The following PTPN11 variants were observed in gnomAD, a reference collection of about 807,000 sequenced individuals.
The protein encoded by PTPN11 is protein tyrosine phosphatase non-receptor type 11, also known as tyrosine-protein phosphatase non-receptor type 11.
PTPN11 carries 6 observed loss-of-function variants against 78.8 expected under a neutral mutation model. That is an observed-to-expected ratio of 0.08 (90% confidence interval 0.04 to 0.15). The LOEUF (loss-of-function observed/expected upper bound fraction) is 0.15, where lower values mean the gene tolerates loss of function less well. Ranked by LOEUF, PTPN11 falls within the 10% of genes least tolerant of loss-of-function variation. The pLI, the probability that PTPN11 is intolerant of heterozygous loss-of-function variation, is 1.00. For synonymous variants in PTPN11, 221 were observed against 263.5 expected (o/e 0.84, Z 1.56); for missense variants, 386 against 744.8 (o/e 0.52, Z 5.61).
chr12:112,454,005 A>C (rs2038116767), intron 4 of PTPN11, among the ~76,000 whole-genome samples: 1 of 151,946 alleles, frequency 6.6e-6, no homozygotes, highest in South Asian at 2.1e-4. Context: ...TATTATACTT[A>C]ATATATTAGT....
chr12:112,449,490 G>T (rs2038047212), intron 2 of PTPN11, among the ~76,000 whole-genome samples: 1 of 150,934 alleles, frequency 6.6e-6, no homozygotes, highest in African/African-American at 2.5e-5. Context: ...CTGGGTGATG[G>T]AGTGAGACTC....
chr12:112,473,189 C>A, intron 7 of PTPN11, 149 bp downstream of exon 7: 1 of 703,794 alleles, frequency 1.4e-6, no homozygotes, highest in Non-Finnish European at 2.5e-6. Flanking sequence ...AATAATCAAC[C>A]ATGGTGGGTG....
intron 1 of PTPN11, among the ~76,000 whole-genome samples, chr12:112,431,332 C>CT (rs1198907805): frequency 6.6e-6 from 1 of 152,138 alleles, no homozygotes; most frequent in African/African-American, 2.4e-5. Flanking sequence ...GGAGTTGGAG[C>CT]TGCAGTGAGC....
chr12:112,437,955 T>A (rs953921934), intron 1 of PTPN11, among the ~76,000 whole-genome samples: 1 of 152,204 alleles, frequency 6.6e-6, no homozygotes, highest in African/African-American at 2.4e-5. Context: ...CCTGAAAAAT[T>A]ACACGTTTGT....
At chr12:112,468,663 C>T (rs1228467784) in intron 6 of PTPN11, among the ~76,000 whole-genome samples, 1 of 152,184 alleles carries the variant, frequency 6.6e-6, no homozygotes, top group Non-Finnish European at 1.5e-5. Flanking sequence ...GCAGGGGTGC[C>T]TCTCCTGTCC....
chr12:112,488,894 T>G, intron 12 of PTPN11, 130 bp from the exon 13 acceptor site: 1 of 1,317,684 alleles, frequency 7.6e-7, no homozygotes, highest in East Asian at 2.4e-5. Context: ...CTGTAGCCAT[T>G]GCAACATGCT....
At chr12:112,479,169 G>T (rs776146218) in intron 9 of PTPN11, among the ~76,000 whole-genome samples, 7 of 152,016 alleles carry the variant, frequency 4.6e-5, no homozygotes, top group Non-Finnish European at 8.8e-5. Context: ...AAAATAAATT[G>T]TAACACCCCA....
chr12:112,421,856 G>A (rs1341310789), intron 1 of PTPN11, among the ~76,000 whole-genome samples: 5 of 152,102 alleles, frequency 3.3e-5, no homozygotes, highest in Non-Finnish European at 7.3e-5. Flanking sequence ...TCAAACTCCC[G>A]GGCTCAAGCG....
chr12:112,492,447 A>C (rs1328424494), intron 13 of PTPN11, among the ~76,000 whole-genome samples: 1 of 151,578 alleles, frequency 6.6e-6, no homozygotes, highest in Non-Finnish European at 1.5e-5. Context: ...CCATAAAGTT[A>C]TTATTTTTCC....
intron 3 of PTPN11, among the ~76,000 whole-genome samples, chr12:112,451,186 T>TC (rs762850498): frequency 1.1e-4 from 16 of 152,222 alleles, no homozygotes; most frequent in Admixed American, 7.9e-4. Flanking sequence ...ATATTTTGTG[T>TC]CTTCAGGTAT....
chr12:112,478,814 G>C (rs2038550826), intron 9 of PTPN11, among the ~76,000 whole-genome samples: 2 of 152,112 alleles, frequency 1.3e-5, no homozygotes, highest in Admixed American at 1.3e-4. Context: ...GCTCACTGCA[G>C]CCTCTGCCTC....
chr12:112,437,068 CT>C (rs1373559308), intron 1 of PTPN11, among the ~76,000 whole-genome samples: 1 of 152,208 alleles, frequency 6.6e-6, no homozygotes. Context: ...CATAGAAAGC[CT>C]TTCCTTATTC....
intron 2 of PTPN11, among the ~76,000 whole-genome samples, chr12:112,449,472 A>T (rs2135860329): frequency 6.6e-6 from 1 of 152,024 alleles, no homozygotes; most frequent in Admixed American, 6.5e-5. Context: ...GCACCACTGC[A>T]CTCCAGCCTG....
intron 6 of PTPN11, among the ~76,000 whole-genome samples, chr12:112,462,199 G>C (rs1017604355): frequency 1.3e-5 from 2 of 152,192 alleles, no homozygotes; most frequent in Middle Eastern, 3.4e-3. Context: ...CTCTACAAAA[G>C]AAAATTAAAA....
At chr12:112,460,011 A>G (rs1048451785) in intron 6 of PTPN11, among the ~76,000 whole-genome samples, 3 of 151,430 alleles carry the variant, frequency 2.0e-5, no homozygotes, top group Admixed American at 6.6e-5. Flanking sequence ...GCAATGGTGC[A>G]TTCTCAGCTC....
chr12:112,430,448 A>G (rs2037694740), intron 1 of PTPN11, among the ~76,000 whole-genome samples: 1 of 152,006 alleles, frequency 6.6e-6, no homozygotes, highest in African/African-American at 2.4e-5. Context: ...TTTTATCTTG[A>G]GACAGAGTCT....
intron 2 of PTPN11, 46 bp downstream of exon 2, chr12:112,446,444 A>G (rs772597897): frequency 1.2e-6 from 2 of 1,613,292 alleles, no homozygotes; most frequent in East Asian, 4.5e-5. Context: ...TTTTCTAGGT[A>G]GGAAGTGGTA....
intron 10 of PTPN11, among the ~76,000 whole-genome samples, chr12:112,484,189 G>C (rs1323728984): frequency 6.6e-6 from 1 of 152,162 alleles, no homozygotes; most frequent in African/African-American, 2.4e-5. Context: ...AGAAGAGATA[G>C]AATATATGAA....
chr12:112,509,698 A>G lies in PTPN11; in HGVS notation c.*3906A>G, dbSNP rs1243636252. The stretch of plus-strand genomic sequence containing the variant: ...CTTAATTGCCTTTTTGCCCACGTAT[A>G]TTATGTAGTCTATTTGCAACTGTTC... On this transcript the variant is annotated 3_prime_UTR_variant, in exon 16 of 16. Coordinates refer to ENST00000351677, the MANE Select transcript of PTPN11 (RefSeq NM_002834.5). The G allele has an allele frequency of 6.6e-6, 1 of 152,610 alleles. No individual in the cohort carries two copies. The highest frequency in any genetic ancestry group is 2.4e-5 in the African/African-American group (1 of 41,440). The allele number at this position is 152,610 out of a possible 1,614,324, so 9.5% of individuals were successfully genotyped here. A position where few individuals can be genotyped will look rare whatever the true frequency, so the allele number is the denominator to read the frequency against.
Sources: gnomAD v4.1 joint callset for allele counts (sites outside exome capture counted in the v4.1 genomes callset) on GRCh38, gnomAD v4.1.1 for gene constraint, MANE v1.5 for transcripts, NCBI Gene and HGNC (gene_info 2026-07-23, HGNC 2026-07-21) for gene names.